APOO: variants seen among roughly 807,000 people sequenced by gnomAD.
The protein encoded by APOO is MICOS complex subunit MIC26.
A neutral mutation model predicts 23.1 loss-of-function variants in APOO; 11 were observed. That is an observed-to-expected ratio of 0.48 (90% CI 0.30 to 0.79). The LOEUF (loss-of-function observed/expected upper bound fraction) is 0.79. Among genes scored for constraint, APOO ranks in the 30% least tolerant of loss-of-function variants. The pLI is 0.07. For missense variants in APOO, 160 were observed against 142.7 expected, an observed-to-expected ratio of 1.12 and a Z score of -0.62; for synonymous variants, 59 against 54.8, an observed-to-expected ratio of 1.08 and a Z score of -0.34.
intron 7 of APOO, among the ~76,000 whole-genome samples, chrX:23,848,063 C>T (rs1341650470): frequency 4.7e-5 from 5 of 107,165 alleles, no homozygotes; most frequent in African/African-American, 6.8e-5. Flanking sequence ...TTAGTAGAGA[C>T]GGGGTTTCAC....
In APOO at chrX:23,907,927, G is replaced by C. The variant is rs1027682505; in HGVS notation, c.-225C>G. The C allele has an allele frequency of 2.7e-6, 1 of 373,567 alleles. No individual in the cohort carries two copies. Among genetic ancestry groups the C allele is most frequent in the Non-Finnish European group, 4.5e-6 (1 of 224,717 alleles). The allele number at this position is 373,567 out of a possible 1,213,427, so 30.8% of individuals were successfully genotyped here. A position where few individuals can be genotyped will look rare whatever the true frequency, so the allele number is the denominator to read the frequency against. On this transcript the variant is annotated 5_prime_UTR_variant, in exon 1 of 9. Transcript: ENST00000379226. ...GCAGCGCGTCGCGCCCGGGCAGCGG[G>C]TGAACGCAAACCCCGCCCTCCAGGA...
rs888456975 is a variant in APOO at position 23,847,213 on chromosome X, A to G, written c.562-6836T>C. Among the ~76,000 whole-genome samples the G allele has an allele frequency of 4.5e-5, 5 of 112,338 alleles. No individual in the cohort carries two copies. The South Asian group carries it at 1.5e-3, about 33-fold the overall frequency. ...TCAAGAGGACTCAGAGCCAACTTCC[A>G]CTAGCAAAATGGGACAGTTTGAACT... is the stretch of plus-strand genomic sequence containing the variant. On this transcript the variant is annotated intron_variant, in intron 7 of 8. Transcript: ENST00000379226.
At chrX:23,850,033 G>A (rs1448118438) in intron 7 of APOO, among the ~76,000 whole-genome samples, 1 of 111,998 alleles carries the variant, frequency 8.9e-6, no homozygotes, top group Non-Finnish European at 1.9e-5. Context: ...TAACGGTATT[G>A]TGATCATATA....
rs75916244 is a variant in APOO, at chrX:23,856,367, A to G, written c.496T>C (p.Leu166=). ...IVFAQVSGER[L]YDWGLRGYIV... Reference sequence around the variant, plus strand: ...TATCCTCGTAAACCCCAGTCATATAATCTCTCCCCACTGACCTTAAAACAA... The same window carrying G: ...TATCCTCGTAAACCCCAGTCATATAGTCTCTCCCCACTGACCTTAAAACAA... Residue 166 remains leucine (L), a synonymous_variant, in exon 7 of 9, where the codon TTA becomes CTA. Transcript: ENST00000379226. 8.3e-7 allele frequency: 1 copy of G among 1,205,596 alleles called. No individual in the cohort carries two copies. Among genetic ancestry groups the G allele is most frequent in the African/African-American group, 1.8e-5 (1 of 56,892 alleles).
At chrX:23,863,913 A>C (rs1401253751) in intron 5 of APOO, among the ~76,000 whole-genome samples, 1 of 111,159 alleles carries the variant, frequency 9.0e-6, no homozygotes, top group Non-Finnish European at 1.9e-5. Context: ...TAGAGAATAC[A>C]CATGGCCTTG....
At chrX:23,864,312 G>A (rs1925240332) in intron 5 of APOO, among the ~76,000 whole-genome samples, 3 of 106,705 alleles carry the variant, frequency 2.8e-5, no homozygotes, top group African/African-American at 1.0e-4. Flanking sequence ...TTGTTTGTTT[G>A]TTTGTTTTGA....
intron 1 of APOO, among the ~76,000 whole-genome samples, chrX:23,889,849 G>A (rs1196751688): frequency 9.2e-6 from 1 of 109,231 alleles, no homozygotes; most frequent in Admixed American, 9.9e-5. Flanking sequence ...TTTTAGTAGA[G>A]ACGGGGTTTC....
intron 5 of APOO, among the ~76,000 whole-genome samples, chrX:23,864,214 C>T (rs1415467122): frequency 9.1e-6 from 1 of 110,306 alleles, no homozygotes; most frequent in Non-Finnish European, 1.9e-5. Context: ...AGTCTGGTCT[C>T]GAACTCCTGA....
chrX:23,838,640 G>A (rs1282111299), intron 8 of APOO, among the ~76,000 whole-genome samples: 2 of 108,263 alleles, frequency 1.8e-5, no homozygotes, highest in Admixed American at 1.0e-4. Flanking sequence ...GGGTGGTCTC[G>A]ATCTCTCGAC....
At chrX:23,892,679 A>G (rs1168261939) in intron 1 of APOO, among the ~76,000 whole-genome samples, 1 of 106,661 alleles carries the variant, frequency 9.4e-6, no homozygotes, top group Non-Finnish European at 1.9e-5. Flanking sequence ...GAGGCAGGAG[A>G]ATGGCGTGAA....
chrX:23,866,660 G>T (rs1925349212), intron 5 of APOO, among the ~76,000 whole-genome samples: 1 of 110,949 alleles, frequency 9.0e-6, no homozygotes. Context: ...ATGGTGGCAG[G>T]CGCCTGTAAT....
intron 1 of APOO, among the ~76,000 whole-genome samples, chrX:23,902,216 G>C (rs1033213088): frequency 1.8e-5 from 2 of 111,830 alleles, no homozygotes; most frequent in African/African-American, 6.5e-5. Context: ...CCACTGCATC[G>C]TTAACGGACC....
intron 2 of APOO, among the ~76,000 whole-genome samples, chrX:23,879,573 C>T (rs148108174): frequency 0.015 from 1,695 of 112,575 alleles, 30 homozygotes; most frequent in African/African-American, 0.051. Context: ...TATGAGGTGT[C>T]CTACTTTCTC....
chrX:23,868,330 T>G (rs1036385731), intron 5 of APOO, among the ~76,000 whole-genome samples: 1 of 112,278 alleles, frequency 8.9e-6, no homozygotes, highest in Admixed American at 9.5e-5. Flanking sequence ...CTTTAAAATT[T>G]TGCTCTTTCT....
At chrX:23,859,128 C>T (rs1164260238) in intron 5 of APOO, among the ~76,000 whole-genome samples, 2 of 111,038 alleles carry the variant, frequency 1.8e-5, no homozygotes, top group Non-Finnish European at 3.8e-5. Flanking sequence ...AACAACAAAA[C>T]CAAAATAACC....
At chrX:23,884,554 C>T (rs1926285737) in intron 1 of APOO, among the ~76,000 whole-genome samples, 1 of 111,769 alleles carries the variant, frequency 8.9e-6, no homozygotes, top group Non-Finnish European at 1.9e-5. Flanking sequence ...TTAACATATG[C>T]ACTACCTCAC....
intron 1 of APOO, among the ~76,000 whole-genome samples, chrX:23,903,695 C>G (rs1039146360): frequency 1.8e-5 from 2 of 111,499 alleles, no homozygotes; most frequent in Non-Finnish European, 3.8e-5. Context: ...AAAGAACAAC[C>G]CCATTTTCAG....
At chrX:23,877,843 A>G (rs1449499273) in intron 3 of APOO, among the ~76,000 whole-genome samples, 3 of 111,873 alleles carry the variant, frequency 2.7e-5, no homozygotes, top group Non-Finnish European at 5.6e-5. Flanking sequence ...AATTTCCCAC[A>G]TATCTACATC....
At chrX:23,881,947 CAAAAAAAAA>C (rs56820853) in intron 1 of APOO, among the ~76,000 whole-genome samples, 18 of 31,816 alleles carry the variant, frequency 5.7e-4, no homozygotes, top group Admixed American at 2.1e-3. Flanking sequence ...GACTCCACCT[CAAAAAAAAA>C]AAAAAAAAAA....
Sources: allele counts gnomAD v4.1 joint callset (sites outside exome capture counted in the v4.1 genomes callset), GRCh38; gene constraint gnomAD v4.1.1; transcripts MANE v1.5; gene names NCBI Gene and HGNC (gene_info 2026-07-23, HGNC 2026-07-21).